SYMPK: variants seen among roughly 807,000 people sequenced by gnomAD.
The protein encoded by SYMPK is symplekin scaffold protein, also known as symplekin.
SYMPK carries 49 observed loss-of-function variants against 136.4 expected under a neutral mutation model. The observed-to-expected ratio is 0.36, with a 90% CI of 0.29 to 0.46. SYMPK has a LOEUF of 0.46. Among genes scored for constraint, SYMPK ranks in the 20% least tolerant of loss-of-function variants. The probability of loss-of-function intolerance (pLI) is 1.00; values close to 1 mark genes in which losing one functional copy is unlikely to be tolerated. For missense variants in SYMPK, 1,365 were observed against 1,690.0 expected, an observed-to-expected ratio of 0.81 and a Z score of 3.37; for synonymous variants, 766 against 713.0, an observed-to-expected ratio of 1.07 and a Z score of -1.19.
At chr19:45,834,753 T>A (rs1216071115) in intron 11 of SYMPK, among the ~76,000 whole-genome samples, 2 of 152,206 alleles carry the variant, frequency 1.3e-5, no homozygotes, top group Non-Finnish European at 2.9e-5. Flanking sequence ...GTTCTGCATT[T>A]CACTTATGTG....
At chr19:45,828,843 G>A in intron 14 of SYMPK, 127 bp downstream of exon 14, 2 of 878,362 alleles carry the variant, frequency 2.3e-6, no homozygotes, top group Non-Finnish European at 3.6e-6. Context: ...GAGGAGACTT[G>A]GGATGGGTGC....
At chr19:45,841,944 T>G (rs1470633374) in intron 9 of SYMPK, among the ~76,000 whole-genome samples, 1 of 151,964 alleles carries the variant, frequency 6.6e-6, no homozygotes. Flanking sequence ...TATATTTTGA[T>G]AATTCTATTG....
rs1281797508 is a variant in SYMPK at position 45,830,156 on chromosome 19, C to A, written c.1647G>T (p.Val549=). 1.9e-6 allele frequency: 3 copies of A among 1,607,322 alleles called. No homozygotes were observed. Among genetic ancestry groups the A allele is most frequent in the Non-Finnish European group, 2.5e-6 (3 of 1,176,534 alleles). The change falls in exon 13 of 27, where the codon GTG becomes GTT. Residue 549 remains valine, a synonymous_variant. Transcript: ENST00000245934. ...CCTGGGCATCGGTAAGGGGCTTCAGCACGTCGCTGAGACGGAAAATTTTCT... is the reference window on the plus strand; with the variant it reads ...CCTGGGCATCGGTAAGGGGCTTCAGAACGTCGCTGAGACGGAAAATTTTCT... ...GRKKIFRLSD[V]LKPLTDAQVE...
At chr19:45,848,060 A>C (rs1971611231) in intron 6 of SYMPK, 59 bp from the exon 7 acceptor site, 4 of 1,523,058 alleles carry the variant, frequency 2.6e-6, no homozygotes, top group African/African-American at 2.8e-5. Context: ...ACAACGCATC[A>C]ATCACCAACA....
At position 45,842,380 on chromosome 19, in the gene SYMPK, G is replaced by A; in HGVS notation, c.957C>T (p.Ala319=). Residue 319 remains alanine (A), a synonymous_variant, in exon 9 of 27, where the codon GCC becomes GCT. Transcript: ENST00000245934. The part of the protein sequence containing the change: ...LKHPASLEFQ[A]QITTLLVDLG... Reference sequence around the variant, plus strand: ...GGTCCACCAGCAGGGTGGTGATCTGGGCCTGGAACTCCAAGGAAGCCGGGT... The same window carrying A: ...GGTCCACCAGCAGGGTGGTGATCTGAGCCTGGAACTCCAAGGAAGCCGGGT... The A allele has an allele frequency of 6.2e-7, 1 of 1,614,166 alleles. No individual in the cohort carries two copies. Among genetic ancestry groups the A allele is most frequent in the Non-Finnish European group, 8.5e-7 (1 of 1,180,030 alleles).
intron 7 of SYMPK, among the ~76,000 whole-genome samples, chr19:45,845,474 C>T (rs1362818213): frequency 1.3e-5 from 2 of 152,276 alleles, no homozygotes; most frequent in Non-Finnish European, 1.5e-5. Context: ...CGGTGCCTGG[C>T]TTATTTCACT....
chr19:45,840,067 A>C (rs1470683250), intron 9 of SYMPK, among the ~76,000 whole-genome samples: 1 of 152,106 alleles, frequency 6.6e-6, no homozygotes, highest in East Asian at 1.9e-4. Flanking sequence ...TGAGGCAACC[A>C]GGGGATCACC....
At chr19:45,844,413 C>G (rs902777899) in intron 7 of SYMPK, among the ~76,000 whole-genome samples, 1 of 152,206 alleles carries the variant, frequency 6.6e-6, no homozygotes, top group Non-Finnish European at 1.5e-5. Context: ...TGGCTCATGC[C>G]TGTAATCCCA....
intron 5 of SYMPK, among the ~76,000 whole-genome samples, chr19:45,850,137 C>CG (rs1015241359): frequency 7.2e-5 from 11 of 151,996 alleles, no homozygotes; most frequent in East Asian, 3.9e-4. Context: ...CCCAGATACT[C>CG]GGGGGGGCTG....
chr19:45,862,754 G>A (rs1016270058), intron 1 of SYMPK, among the ~76,000 whole-genome samples: 2 of 152,216 alleles, frequency 1.3e-5, no homozygotes, highest in African/African-American at 4.8e-5. Flanking sequence ...CCCCGAAGCG[G>A]GAAAGCGCAT....
At position 45,823,471 on chromosome 19, in the gene SYMPK, G is replaced by A. The variant is rs991499423; in HGVS notation, c.2601C>T (p.Val867=). The stretch of plus-strand genomic sequence containing the variant: ...GCTTCACCAGCTCTGGGGAGGGTGG[G>A]ACTGCATGGAAGCAGCAGGAGGCAC... ...TRCLHSLTDK[V]PPSPELVKRV... The change falls in exon 20 of 27, where the codon GTC becomes GTT. Residue 867 remains valine, a splice_region_variant and synonymous_variant. Coordinates refer to ENST00000245934, the MANE Select transcript of SYMPK (RefSeq NM_004819.3). The A allele has an allele frequency of 1.2e-6, 2 of 1,613,690 alleles. No homozygotes were observed. Among genetic ancestry groups the A allele is most frequent in the Non-Finnish European group, 1.7e-6 (2 of 1,180,006 alleles).
rs1417261588 is a variant in SYMPK, at chr19:45,848,822, C to T, written c.354G>A (p.Leu118=). 1 of 1,613,964 alleles carries T rather than the reference C, an allele frequency of 6.2e-7. No homozygotes were observed. The highest frequency in any genetic ancestry group is 8.5e-7 in the Non-Finnish European group (1 of 1,180,052). ...TCACCACGTTCACATTCTCGTCCCT[C>T]AAGAGCATGTTGAGGTTTGCAATGA... ...LKLIANLNML[L]RDENVNVVKK... The change falls in exon 6 of 27, where the codon TTG becomes TTA. Residue 118 remains leucine, a synonymous_variant. Transcript: ENST00000245934.
chr19:45,838,583 CT>C lies in SYMPK; in HGVS notation c.1119del (p.Asp374ThrfsTer33). On this transcript the variant is annotated frameshift_variant, in exon 10 of 27. Coordinates refer to ENST00000245934, the MANE Select transcript of SYMPK (RefSeq NM_004819.3). LOFTEE classifies it high-confidence loss of function. ...EPNLGEDDED[K>X]DLEPGPSGTS... The stretch of plus-strand genomic sequence containing the variant: ...GTCCCCGACGGGCCTGGCTCCAAGT[CT>C]TTGTCCTCATCGTCCTCCCCCAGGT... 1 of 1,614,154 alleles carries C rather than the reference CT, an allele frequency of 6.2e-7. No individual in the cohort carries two copies.
rs985720401 is a variant in SYMPK at position 45,859,465 on chromosome 19, A to C, written c.-13+3593T>G. On this transcript the variant is annotated intron_variant, in intron 1 of 26. Coordinates refer to ENST00000245934, the MANE Select transcript of SYMPK (RefSeq NM_004819.3). The stretch of plus-strand genomic sequence containing the variant: ...ATACAAAAAAATTACTTGGGCATGG[A>C]GATGGATGCCTGTAATCCCAGCTAC... 9.2e-5 allele frequency among the ~76,000 whole-genome samples: 14 copies of C among 151,726 alleles called. 2 individuals carry two copies. Among genetic ancestry groups the C allele is most frequent in the Admixed American group, 8.5e-4 (13 of 15,234 alleles).
intron 1 of SYMPK, among the ~76,000 whole-genome samples, chr19:45,860,518 G>A (rs1374774292): frequency 1.3e-5 from 2 of 151,562 alleles, no homozygotes; most frequent in African/African-American, 2.4e-5. Context: ...GAAAGAGAGA[G>A]AGAGAACACT....
At chr19:45,836,343 A>T (rs911280606) in intron 10 of SYMPK, among the ~76,000 whole-genome samples, 2 of 152,090 alleles carry the variant, frequency 1.3e-5, no homozygotes, top group African/African-American at 4.8e-5. Flanking sequence ...CTTTAAAAAA[A>T]ATTTATACTG....
chr19:45,842,135 C>A lies in SYMPK; in HGVS notation c.1087+115G>T, dbSNP rs1971454825. 5 of 1,485,320 alleles carry A rather than the reference C, an allele frequency of 3.4e-6. No individual in the cohort carries two copies. In the South Asian group the frequency reaches 5.1e-5, roughly 15 times the overall value. The allele number at this position is 1,485,320 out of a possible 1,614,324, so 92.0% of individuals were successfully genotyped here. On this transcript the variant is annotated intron_variant, in intron 9 of 26. Transcript: ENST00000245934. Reference sequence around the variant, plus strand: ...ACAGGTGTGAGCCACTGTGCCTGGCCCACATAACATAATCTATAATATAAT... The same window carrying A: ...ACAGGTGTGAGCCACTGTGCCTGGCACACATAACATAATCTATAATATAAT...
chr19:45,828,814 CT>C lies in SYMPK; in HGVS notation c.1985+155del, dbSNP rs1971104330. ...TGCAAAACTACAACCTTGAACGTGC[CT>C]CCAGAGGGGGAGGAGGAGAGGAGAC... On this transcript the variant is annotated intron_variant, in intron 14 of 26. Transcript: ENST00000245934. The C allele has an allele frequency of 1.1e-5, 8 of 700,070 alleles. No individual in the cohort carries two copies. In the Middle Eastern group the frequency reaches 1.2e-3, roughly 107 times the overall value. 43.4% of individuals were successfully genotyped at this position (700,070 alleles called of 1,614,324 possible). A position where few individuals can be genotyped will look rare whatever the true frequency, so the allele number is the denominator to read the frequency against.
At chr19:45,831,289 ACACACGCACACG>A (rs779915114) in intron 12 of SYMPK, 83 bp downstream of exon 12, 6 of 985,422 alleles carry the variant, frequency 6.1e-6, no homozygotes, top group African/African-American at 3.3e-5. Flanking sequence ...AGTTACACAC[ACACACGCACACG>A]CACACGCACA....
Sources: allele counts gnomAD v4.1 joint callset (sites outside exome capture counted in the v4.1 genomes callset), GRCh38; gene constraint gnomAD v4.1.1; transcripts MANE v1.5; gene names NCBI Gene and HGNC (gene_info 2026-07-23, HGNC 2026-07-21).